Variants in CRLS1 observed in about 807,000 individuals in gnomAD.
The protein encoded by CRLS1 is cardiolipin synthase 1.
In CRLS1, 24 loss-of-function variants were observed where a neutral mutation model predicts 37.0. The observed-to-expected ratio is 0.65, with a 90% CI of 0.47 to 0.91. The LOEUF is 0.91. CRLS1 is among the 40% of genes least tolerant of loss of function. The pLI is 0.00. For missense variants in CRLS1, 373 were observed against 395.8 expected (o/e 0.94, Z 0.49); for synonymous variants, 135 against 159.7 (o/e 0.85, Z 1.17).
At chr20:6,032,422 CTCCTGGCTTCAAGCAATT>C (rs1179614276) in intron 5 of CRLS1, among the ~76,000 whole-genome samples, 5 of 145,126 alleles carry the variant, frequency 3.4e-5, no homozygotes, top group Non-Finnish European at 7.5e-5. Flanking sequence ...TGGTATGGAA[CTCCTGGCTTCAAGCAATT>C]CTCCTGCCTT....
chr20:6,022,301 T>C (rs1302444026), intron 3 of CRLS1, among the ~76,000 whole-genome samples: 1 of 152,028 alleles, frequency 6.6e-6, no homozygotes, highest in Non-Finnish European at 1.5e-5. Context: ...CTTCTTCCAT[T>C]GTTGATAATA....
chr20:6,010,868 T>C (rs1442792643), intron 2 of CRLS1, among the ~76,000 whole-genome samples: 1 of 152,094 alleles, frequency 6.6e-6, no homozygotes, highest in East Asian at 1.9e-4. Context: ...AATTTAAAAA[T>C]TAGCTGGGCA....
At chr20:6,015,581 T>G in intron 3 of CRLS1, 91 bp downstream of exon 3, 2 of 1,306,964 alleles carry the variant, frequency 1.5e-6, no homozygotes, top group Admixed American at 1.7e-5. Context: ...ATAATTTTTG[T>G]TCCAAAAATA....
Position 6,010,971 on chromosome 20 carries a change from C to T in CRLS1, c.444+1059C>T, listed in dbSNP as rs377575814. Reference sequence around the variant, plus strand: ...GTTCAAGGCTGCAGTGAGCTATGATCGCACCACTGTACTCTAGCCTGGGTG... The same window carrying T: ...GTTCAAGGCTGCAGTGAGCTATGATTGCACCACTGTACTCTAGCCTGGGTG... On this transcript the variant is annotated intron_variant, in intron 2 of 6. Transcript: ENST00000378863. Among the ~76,000 whole-genome samples, 91 of 151,366 alleles carry T rather than the reference C, an allele frequency of 6.0e-4. 1 individual carries two copies. In the South Asian group the frequency reaches 0.016, roughly 27 times the overall value.
chr20:6,035,020 T>A (rs1453942412), intron 6 of CRLS1, among the ~76,000 whole-genome samples: 1 of 152,238 alleles, frequency 6.6e-6, no homozygotes, highest in African/African-American at 2.4e-5. Context: ...AATTTTATTA[T>A]ACTAATTGCT....
At chr20:6,024,535 G>C (rs777754736) in intron 3 of CRLS1, among the ~76,000 whole-genome samples, 1 of 152,098 alleles carries the variant, frequency 6.6e-6, no homozygotes, top group Non-Finnish European at 1.5e-5. Flanking sequence ...TATTCCCTGA[G>C]ACACAATAAT....
At chr20:6,015,057 C>T (rs921235534) in intron 2 of CRLS1, among the ~76,000 whole-genome samples, 1 of 151,968 alleles carries the variant, frequency 6.6e-6, no homozygotes, top group African/African-American at 2.4e-5. Flanking sequence ...CATCACTAAC[C>T]GTATCTCTAA....
intron 3 of CRLS1, among the ~76,000 whole-genome samples, chr20:6,022,871 G>A (rs1389458130): frequency 4.0e-5 from 6 of 151,736 alleles, no homozygotes; most frequent in African/African-American, 7.3e-5. Flanking sequence ...TTTTCTTTTG[G>A]GGCTACAGTA....
intron 5 of CRLS1, among the ~76,000 whole-genome samples, chr20:6,033,290 C>T (rs1600391075): frequency 6.6e-6 from 1 of 151,356 alleles, no homozygotes; most frequent in Admixed American, 6.6e-5. Flanking sequence ...CCACCACGCC[C>T]AGCTAATTTT....
chr20:6,026,610 A>G (rs1954308050), intron 3 of CRLS1, among the ~76,000 whole-genome samples: 1 of 152,078 alleles, frequency 6.6e-6, no homozygotes, highest in Non-Finnish European at 1.5e-5. Context: ...TGGAGACTTT[A>G]TTGAAATGTA....
At chr20:6,011,817 C>T (rs534870591) in intron 2 of CRLS1, among the ~76,000 whole-genome samples, 1 of 151,498 alleles carries the variant, frequency 6.6e-6, no homozygotes, top group African/African-American at 2.4e-5. Context: ...AGCTCCTGAC[C>T]TCAGGTAATC....
In CRLS1 at chr20:6,006,949, C is replaced by G. The variant is rs562407403; in HGVS notation, c.306+397C>G. 4 of 469,072 alleles carry G rather than the reference C, an allele frequency of 8.5e-6. No individual in the cohort carries two copies. The South Asian group carries it at 3.7e-4, about 44-fold the overall frequency. 29.1% of individuals were successfully genotyped at this position (469,072 alleles called of 1,614,324 possible). A position where few individuals can be genotyped will look rare whatever the true frequency, so the allele number is the denominator to read the frequency against. On this transcript the variant is annotated intron_variant, in intron 1 of 6. Coordinates refer to ENST00000378863, the MANE Select transcript of CRLS1 (RefSeq NM_019095.6). Reference sequence around the variant, plus strand: ...AAAGGTATACAGGCCCTTCTGTTTGCTTGTGCAAGTTCCGTTCACCATCAT... The same window carrying G: ...AAAGGTATACAGGCCCTTCTGTTTGGTTGTGCAAGTTCCGTTCACCATCAT...
At chr20:6,034,784 G>A (rs1486343411) in intron 6 of CRLS1, among the ~76,000 whole-genome samples, 2 of 152,218 alleles carry the variant, frequency 1.3e-5, no homozygotes, top group Non-Finnish European at 2.9e-5. Context: ...TGTGTTAAGG[G>A]TTTTGGAGGA....
chr20:6,014,337 C>T lies in CRLS1; in HGVS notation c.445-1024C>T, dbSNP rs111379432. On this transcript the variant is annotated intron_variant, in intron 2 of 6. Coordinates refer to ENST00000378863, the MANE Select transcript of CRLS1 (RefSeq NM_019095.6). The stretch of plus-strand genomic sequence containing the variant: ...ACAAAGACCACATTTTTTTTTACCA[C>T]GGTCCTGGACTACCGCTGTCTCCTC... Among the ~76,000 whole-genome samples the T allele has an allele frequency of 7.9e-3, 1,204 of 152,254 alleles. 27 individuals carry two copies. The highest frequency in any genetic ancestry group is 0.027 in the African/African-American group (1,114 of 41,554).
Position 6,031,404 on chromosome 20 carries a change from T to G in CRLS1, c.660+34T>G, listed in dbSNP as rs756042928. ...GTTTCCAAAAAGTATTCTTTTAGCA[T>G]TATATATGATTTAAGGAAAAAGCAA... On this transcript the variant is annotated intron_variant, in intron 4 of 6. Transcript: ENST00000378863. The G allele has an allele frequency of 6.2e-6, 9 of 1,456,310 alleles. No homozygotes were observed. The East Asian group carries it at 1.4e-4, about 22-fold the overall frequency. The allele number at this position is 1,456,310 out of a possible 1,614,324, so 90.2% of individuals were successfully genotyped here.
Position 6,034,671 on chromosome 20 carries a change from G to C in CRLS1, c.821+116G>C, listed in dbSNP as rs1317700133. ...TGAGCACTGACTGGGTAAAGCTGTG[G>C]CTATATTTGGTGATTGATACCATTG... On this transcript the variant is annotated intron_variant, in intron 6 of 6. Transcript: ENST00000378863. 7 of 720,114 alleles carry C rather than the reference G, an allele frequency of 9.7e-6. No individual in the cohort carries two copies. The Admixed American group carries it at 1.9e-4, about 20-fold the overall frequency. 44.6% of individuals were successfully genotyped at this position (720,114 alleles called of 1,614,324 possible). A position where few individuals can be genotyped will look rare whatever the true frequency, so the allele number is the denominator to read the frequency against.
At chr20:6,023,543 G>A (rs1415474421) in intron 3 of CRLS1, 2 of 152,112 alleles carry the variant, frequency 1.3e-5, no homozygotes, top group African/African-American at 4.8e-5. Context: ...GCCCAACTTC[G>A]AGGGCTCTGG....
chr20:6,036,981 AT>A, intron 6 of CRLS1, 92 bp from the exon 7 acceptor site: 3 of 873,284 alleles, frequency 3.4e-6, no homozygotes, highest in Non-Finnish European at 5.4e-6. Context: ...TCATTTTTAC[AT>A]TTTAAATTCA....
intron 2 of CRLS1, among the ~76,000 whole-genome samples, chr20:6,011,533 TC>T (rs1222398612): frequency 6.8e-6 from 1 of 146,560 alleles, no homozygotes; most frequent in Non-Finnish European, 1.5e-5. Context: ...CACTACCTCT[TC>T]CCATTCTCAC....
Sources: allele counts gnomAD v4.1 joint callset (sites outside exome capture counted in the v4.1 genomes callset), GRCh38; gene constraint gnomAD v4.1.1; transcripts MANE v1.5; gene names NCBI Gene and HGNC (gene_info 2026-07-23, HGNC 2026-07-21).